DST: variants seen among roughly 807,000 people sequenced by gnomAD.
DST encodes the protein bullous pemphigoid antigen.
A neutral mutation model predicts 875.2 loss-of-function variants in DST; 253 were observed. The ratio of observed to expected loss-of-function variants is 0.29; its 90% CI spans 0.26 to 0.32. The LOEUF is 0.32. Among genes scored for constraint, DST ranks in the 10% least tolerant of loss-of-function variants. The probability of loss-of-function intolerance (pLI) is 1.00; values close to 1 mark genes in which losing one functional copy is unlikely to be tolerated. For missense variants in DST, 8,287 were observed against 9,111.6 expected (o/e 0.91, Z 3.68); for synonymous variants, 3,124 against 3,197.1 (o/e 0.98, Z 0.77).
At chr6:56,577,284 T>C (rs528050461) in intron 50 of DST, among the ~76,000 whole-genome samples, 9 of 152,264 alleles carry the variant, frequency 5.9e-5, no homozygotes, top group African/African-American at 1.4e-4. Flanking sequence ...ACAAATAAGA[T>C]AGTCTTTCTT....
In DST at chr6:56,482,147, A is replaced by T; in HGVS notation, c.21434T>A (p.Leu7145His). The T allele has an allele frequency of 6.2e-7, 1 of 1,612,844 alleles. No individual in the cohort carries two copies. Among genetic ancestry groups the T allele is most frequent in the Non-Finnish European group, 8.5e-7 (1 of 1,179,234 alleles). ...CTCCGCCTCAGCCAGCCACTCCAAG[A>T]GGGCATGTACCACCGAGTGGAATTC... ...AEEFHSVVHALLEWLAEAEQT... is the reference protein window; with the variant it reads ...AEEFHSVVHAHLEWLAEAEQT... Residue 7145 changes from leucine to histidine, a missense_variant, in exon 90 of 104, where the codon CTC becomes CAC. By Grantham distance (99) the Leu-to-His change is moderately conservative (BLOSUM62 -3). Coordinates refer to ENST00000680361, the MANE Select transcript of DST (RefSeq NM_001374736.1).
intron 85 of DST, among the ~76,000 whole-genome samples, chr6:56,491,819 A>G (rs2095755927): frequency 6.6e-6 from 1 of 152,204 alleles, no homozygotes; most frequent in African/African-American, 2.4e-5. Context: ...GCTTGTGAAG[A>G]AAGTCTGGCT....
intron 2 of DST, among the ~76,000 whole-genome samples, chr6:56,923,555 C>T (rs1039630280): frequency 6.6e-6 from 1 of 150,644 alleles, no homozygotes; most frequent in Admixed American, 6.6e-5. Context: ...CTGGCTCAGG[C>T]AATTTGGAGG....
chr6:56,730,808 T>C (rs1307844279), intron 5 of DST, among the ~76,000 whole-genome samples: 1 of 152,160 alleles, frequency 6.6e-6, no homozygotes, highest in Non-Finnish European at 1.5e-5. Context: ...TGAAGAATGA[T>C]GAATCAAAAG....
chr6:56,567,701 A>C (rs2097704602), intron 55 of DST, among the ~76,000 whole-genome samples: 1 of 152,162 alleles, frequency 6.6e-6, no homozygotes, highest in African/African-American at 2.4e-5. Context: ...CCCAGCTGGA[A>C]CATCAGTATC....
chr6:56,951,419 AC>A (rs1446546117), intron 2 of DST, among the ~76,000 whole-genome samples: 3 of 152,264 alleles, frequency 2.0e-5, no homozygotes, highest in Non-Finnish European at 4.4e-5. Flanking sequence ...AGCAGCTACT[AC>A]TAAAAAGCAA....
intron 64 of DST, among the ~76,000 whole-genome samples, chr6:56,531,949 T>A (rs1440366485): frequency 1.3e-5 from 2 of 152,192 alleles, no homozygotes; most frequent in Non-Finnish European, 2.9e-5. Flanking sequence ...ATTTCAACTT[T>A]GAGACATCAC....
chr6:56,628,156 C>T lies in DST; in HGVS notation c.4481G>A (p.Arg1494Gln), dbSNP rs1385640420. Residue 1494 changes from arginine to glutamine, a missense_variant, in exon 33 of 104, where the codon CGG becomes CAG. Transcript: ENST00000680361. ...NVHVQIDNRL[R>Q]DLEGIGKSLK... ...TGATTTGCCAATGCCCTCTAAGTCC[C>T]GTAACCTAAGAGAATAGTAACCGAA... The T allele has an allele frequency of 6.2e-7, 1 of 1,613,102 alleles. No homozygotes were observed. The highest frequency in any genetic ancestry group is 8.5e-7 in the Non-Finnish European group (1 of 1,179,212).
intron 9 of DST, among the ~76,000 whole-genome samples, chr6:56,681,367 T>C (rs2152842643): frequency 6.6e-6 from 1 of 152,312 alleles, no homozygotes; most frequent in African/African-American, 2.4e-5. Flanking sequence ...CACAGTGAAC[T>C]ACTTCTACTT....
chr6:56,487,723 T>A (rs2095612385), intron 86 of DST, among the ~76,000 whole-genome samples: 1 of 152,202 alleles, frequency 6.6e-6, no homozygotes, highest in Non-Finnish European at 1.5e-5. Context: ...CCTCTCATTA[T>A]CATCTTACAC....
chr6:56,515,723 T>C, intron 71 of DST, 55 bp from the exon 72 acceptor site: 1 of 1,388,728 alleles, frequency 7.2e-7, no homozygotes, highest in South Asian at 1.3e-5. Context: ...GCACACACAC[T>C]CCAGAGTGCT....
intron 74 of DST, 44 bp downstream of exon 74, chr6:56,509,598 T>C: frequency 1.4e-6 from 2 of 1,475,008 alleles, no homozygotes; most frequent in Non-Finnish European, 1.9e-6. Flanking sequence ...CGCATAAACA[T>C]TTAGAATGCT....
At chr6:56,908,233 T>C (rs1797317202) in intron 2 of DST, among the ~76,000 whole-genome samples, 1 of 152,062 alleles carries the variant, frequency 6.6e-6, no homozygotes. Context: ...TCTATAATGC[T>C]CCATTAAAAA....
chr6:56,764,407 C>T (rs1463087709), intron 4 of DST, among the ~76,000 whole-genome samples: 4 of 152,134 alleles, frequency 2.6e-5, no homozygotes, highest in Admixed American at 2.0e-4. Flanking sequence ...TCTGGAGCCC[C>T]ACGACATGCT....
chr6:56,867,155 C>G (rs1774555734), intron 3 of DST, among the ~76,000 whole-genome samples: 1 of 152,208 alleles, frequency 6.6e-6, no homozygotes. Flanking sequence ...TGGCAGAGCT[C>G]TGTGCCTCCT....
intron 4 of DST, among the ~76,000 whole-genome samples, chr6:56,799,370 T>A (rs904924948): frequency 4.7e-5 from 7 of 149,912 alleles, no homozygotes; most frequent in East Asian, 1.9e-4. Context: ...TTTTTTTTTT[T>A]AAATCACATA....
intron 4 of DST, among the ~76,000 whole-genome samples, chr6:56,761,526 C>T (rs2099617131): frequency 6.6e-6 from 1 of 152,146 alleles, no homozygotes; most frequent in African/African-American, 2.4e-5. Context: ...TTACTAAACA[C>T]CACAAATGTT....
chr6:56,577,353 G>A (rs943950428), intron 50 of DST, among the ~76,000 whole-genome samples: 3 of 152,168 alleles, frequency 2.0e-5, no homozygotes, highest in Non-Finnish European at 4.4e-5. Context: ...GTGGATATAT[G>A]AGATGCTGCA....
At chr6:56,653,933 T>C (rs1035871266) in intron 10 of DST, among the ~76,000 whole-genome samples, 1 of 152,234 alleles carries the variant, frequency 6.6e-6, no homozygotes, top group African/African-American at 2.4e-5. Flanking sequence ...ACATAGAAGA[T>C]ACTTACTTTC....
Sources: gnomAD v4.1 joint callset for allele counts (sites outside exome capture counted in the v4.1 genomes callset) on GRCh38, gnomAD v4.1.1 for gene constraint, MANE v1.5 for transcripts, NCBI Gene and HGNC (gene_info 2026-07-23, HGNC 2026-07-21) for gene names.